The following GATAD2A variants were observed in gnomAD, a reference collection of about 807,000 sequenced individuals.
GATAD2A encodes GATA zinc finger domain containing 2A.
A neutral mutation model predicts 68.5 loss-of-function variants in GATAD2A; 12 were observed. The ratio of observed to expected loss-of-function variants is 0.18; its 90% CI spans 0.11 to 0.28. The LOEUF is 0.28. Ranked by LOEUF, GATAD2A falls within the 10% of genes least tolerant of loss-of-function variation. GATAD2A has a pLI of 1.00. For synonymous variants in GATAD2A, 410 were observed against 375.3 expected, an observed-to-expected ratio of 1.09 and a Z score of -1.07; for missense variants, 755 against 868.5, an observed-to-expected ratio of 0.87 and a Z score of 1.64.
intron 1 of GATAD2A, among the ~76,000 whole-genome samples, chr19:19,445,120 G>A (rs2055561349): frequency 6.6e-6 from 1 of 152,096 alleles, no homozygotes; most frequent in South Asian, 2.1e-4. Context: ...GTTCCCATGT[G>A]TACAGTGGGC....
At chr19:19,466,492 T>C (rs1366179379) in intron 2 of GATAD2A, among the ~76,000 whole-genome samples, 2 of 152,234 alleles carry the variant, frequency 1.3e-5, no homozygotes, top group Non-Finnish European at 1.5e-5. Context: ...TCTCCACGCC[T>C]GTTCATAAGG....
intron 1 of GATAD2A, among the ~76,000 whole-genome samples, chr19:19,393,178 C>T (rs1309803543): frequency 2.6e-5 from 4 of 152,156 alleles, no homozygotes; most frequent in Non-Finnish European, 5.9e-5. Flanking sequence ...TGGCACATGC[C>T]TGTAATCCCA....
At chr19:19,462,641 AG>A (rs2057538996) in intron 1 of GATAD2A, among the ~76,000 whole-genome samples, 2 of 152,192 alleles carry the variant, frequency 1.3e-5, no homozygotes, top group Admixed American at 6.5e-5. Flanking sequence ...CTACCACAAC[AG>A]GGGGCCCAAC....
intron 8 of GATAD2A, among the ~76,000 whole-genome samples, chr19:19,500,287 C>T (rs1014310910): frequency 5.3e-5 from 8 of 152,220 alleles, no homozygotes; most frequent in African/African-American, 1.9e-4. Flanking sequence ...ATGTAAGCTG[C>T]AGGTGGCGGT....
intron 1 of GATAD2A, among the ~76,000 whole-genome samples, chr19:19,424,691 C>T (rs966510210): frequency 1.3e-5 from 2 of 152,128 alleles, no homozygotes; most frequent in African/African-American, 4.8e-5. Context: ...TACTTTTGAC[C>T]ATGTGACACA....
intron 1 of GATAD2A, chr19:19,440,120 C>T (rs1442870085): frequency 2.5e-6 from 1 of 406,802 alleles, no homozygotes; most frequent in South Asian, 1.7e-5. Context: ...GTGATGTCTT[C>T]ATTTGTGGTG....
At position 19,399,172 on chromosome 19, in the gene GATAD2A, C is replaced by T. The variant is rs1331432311; in HGVS notation, c.-7+13034C>T. Among the ~76,000 whole-genome samples the T allele has an allele frequency of 8.6e-5, 13 of 151,972 alleles. No homozygotes were observed. In the East Asian group the frequency reaches 1.2e-3, roughly 14 times the overall value. On this transcript the variant is annotated intron_variant, in intron 1 of 11. Transcript: ENST00000360315. ...CTGAGAGGTGGAGGTTGCAGTGAGC[C>T]GAGATCATGCCACCACACTCCAGCC...
chr19:19,506,263 C>T lies in GATAD2A; in HGVS notation c.*789C>T. The T allele has an allele frequency of 1.0e-5, 4 of 398,186 alleles. No individual in the cohort carries two copies. Among genetic ancestry groups the T allele is most frequent in the Non-Finnish European group, 1.8e-5 (4 of 225,934 alleles). The allele number at this position is 398,186 out of a possible 1,614,324, so 24.7% of individuals were successfully genotyped here. A position where few individuals can be genotyped will look rare whatever the true frequency, so the allele number is the denominator to read the frequency against. On this transcript the variant is annotated 3_prime_UTR_variant, in exon 12 of 12. Coordinates refer to ENST00000683918, the MANE Select transcript of GATAD2A (RefSeq NM_001384528.1). ...CTTAGCAGAAGAACAAACTGAAGAA[C>T]AGACCCAGCCAGAGAAGCAGGGATT... is the stretch of plus-strand genomic sequence containing the variant.
At chr19:19,430,207 A>G (rs2053576540) in intron 1 of GATAD2A, among the ~76,000 whole-genome samples, 1 of 152,172 alleles carries the variant, frequency 6.6e-6, no homozygotes. Context: ...CTGACCCCAG[A>G]CTGGAAAACT....
chr19:19,491,283 G>C (rs796891421), intron 2 of GATAD2A, among the ~76,000 whole-genome samples: 47 of 152,308 alleles, frequency 3.1e-4, no homozygotes, highest in African/African-American at 1.1e-3. Context: ...AAAGAGGAAA[G>C]CCTGCAAGTA....
intron 7 of GATAD2A, 68 bp from the exon 8 acceptor site, chr19:19,498,375 G>T: frequency 4.8e-6 from 7 of 1,472,188 alleles, no homozygotes; most frequent in Non-Finnish European, 5.5e-6. Flanking sequence ...CTCGGGCTTC[G>T]GGGCGCTGGG....
intron 1 of GATAD2A, among the ~76,000 whole-genome samples, chr19:19,461,821 T>C (rs915600902): frequency 6.6e-5 from 10 of 152,210 alleles, no homozygotes; most frequent in African/African-American, 2.4e-4. Flanking sequence ...AGGCTGACCT[T>C]CAACCTTGTG....
chr19:19,495,894 G>T lies in GATAD2A; in HGVS notation c.756+9G>T, dbSNP rs926461129. 9.3e-6 allele frequency: 15 copies of T among 1,609,208 alleles called. No homozygotes were observed. Among genetic ancestry groups the T allele is most frequent in the Non-Finnish European group, 1.3e-5 (15 of 1,176,748 alleles). ...TCGTCAGGGGGGCTCAGGTAAGCAG[G>T]GCTGTGCACATGGGGGAGACCTGGC... On this transcript the variant is annotated intron_variant, in intron 6 of 11. Coordinates refer to ENST00000683918, the MANE Select transcript of GATAD2A (RefSeq NM_001384528.1).
At chr19:19,387,216 C>G (rs1216234595) in intron 1 of GATAD2A, among the ~76,000 whole-genome samples, 3 of 151,898 alleles carry the variant, frequency 2.0e-5, no homozygotes, top group Non-Finnish European at 4.4e-5. Flanking sequence ...GGGGACCCCT[C>G]TTTTCAGAAG....
At chr19:19,429,507 C>G (rs975998159) in intron 1 of GATAD2A, among the ~76,000 whole-genome samples, 1 of 152,014 alleles carries the variant, frequency 6.6e-6, no homozygotes, top group Non-Finnish European at 1.5e-5. Flanking sequence ...GTGAGGTGCT[C>G]TGACGCTGGG....
chr19:19,395,795 G>T (rs1483840881), intron 1 of GATAD2A, among the ~76,000 whole-genome samples: 2 of 152,186 alleles, frequency 1.3e-5, no homozygotes, highest in African/African-American at 4.8e-5. Context: ...TACGGTGGGA[G>T]TCCCTGTGCC....
intron 2 of GATAD2A, among the ~76,000 whole-genome samples, chr19:19,472,052 T>C (rs1295619395): frequency 6.6e-6 from 1 of 152,220 alleles, no homozygotes; most frequent in African/African-American, 2.4e-5. Flanking sequence ...ATGGGGTTTT[T>C]CTGTTGTTCT....
Position 19,426,677 on chromosome 19 carries a change from A to T in GATAD2A, c.-7+20658A>T, listed in dbSNP as rs1322996804. Among the ~76,000 whole-genome samples, 5 of 151,450 alleles carry T rather than the reference A, an allele frequency of 3.3e-5. No individual in the cohort carries two copies. In the South Asian group the frequency reaches 8.3e-4, roughly 25 times the overall value. ...AGGCACACACCCCTACCCCTGGCAA[A>T]TTTTTTTTGTATTTTTAATGGAGAT... On this transcript the variant is annotated intron_variant, in intron 1 of 11. Transcript: ENST00000683918.
At chr19:19,441,320 A>C (rs2055046624) in intron 1 of GATAD2A, among the ~76,000 whole-genome samples, 1 of 152,236 alleles carries the variant, frequency 6.6e-6, no homozygotes, top group Non-Finnish European at 1.5e-5. Context: ...TAAGTAAGTA[A>C]TGTCATTAAG....
Sources: allele counts gnomAD v4.1 joint callset (sites outside exome capture counted in the v4.1 genomes callset), GRCh38; gene constraint gnomAD v4.1.1; transcripts MANE v1.5; gene names NCBI Gene and HGNC (gene_info 2026-07-23, HGNC 2026-07-21).